Variants in EYA2 observed in about 807,000 individuals in gnomAD.
EYA2 encodes protein phosphatase EYA2.
A neutral mutation model predicts 69.2 loss-of-function variants in EYA2; 31 were observed. The ratio of observed to expected loss-of-function variants is 0.45; its 90% CI spans 0.34 to 0.60. The LOEUF (loss-of-function observed/expected upper bound fraction) is 0.60, where lower values mean the gene tolerates loss of function less well. EYA2 is among the 20% of genes least tolerant of loss of function. The pLI, the probability that EYA2 is intolerant of heterozygous loss-of-function variation, is 0.02. For synonymous variants in EYA2, 257 were observed against 279.4 expected, an observed-to-expected ratio of 0.92 and a Z score of 0.80; for missense variants, 622 against 701.2, an observed-to-expected ratio of 0.89 and a Z score of 1.28.
intron 9 of EYA2, among the ~76,000 whole-genome samples, chr20:47,129,946 C>G (rs11086194): frequency 0.022 from 3,312 of 152,186 alleles, 113 homozygotes; most frequent in East Asian, 0.088. Flanking sequence ...GTATAAGGAC[C>G]AGGTGAAGTG....
rs116427381 is a variant in EYA2 at position 46,940,694 on chromosome 20, C to T, written c.-11+45707C>T. Among the ~76,000 whole-genome samples, 989 of 152,280 alleles carry T rather than the reference C, an allele frequency of 6.5e-3. 7 individuals carry two copies. The highest frequency in any genetic ancestry group is 0.023 in the African/African-American group (948 of 41,566). Reference sequence around the variant, plus strand: ...TGAGAGTGGCCAGGACCAAGCACAGCGCTCCGGGAGGGAAGGTGACAGGCC... The same window carrying T: ...TGAGAGTGGCCAGGACCAAGCACAGTGCTCCGGGAGGGAAGGTGACAGGCC... On this transcript the variant is annotated intron_variant, in intron 1 of 15. Coordinates refer to ENST00000327619, the MANE Select transcript of EYA2 (RefSeq NM_005244.5).
intron 8 of EYA2, among the ~76,000 whole-genome samples, chr20:47,093,764 A>G (rs981091236): frequency 1.3e-5 from 2 of 152,240 alleles, no homozygotes; most frequent in Admixed American, 1.3e-4. Flanking sequence ...TAAAGACAGT[A>G]GTGACTGCAA....
At chr20:47,147,430 C>A (rs1431166881) in intron 10 of EYA2, among the ~76,000 whole-genome samples, 2 of 152,088 alleles carry the variant, frequency 1.3e-5, no homozygotes, top group Non-Finnish European at 2.9e-5. Context: ...AAGAGTGTTC[C>A]AGATAGAAGC....
intron 12 of EYA2, among the ~76,000 whole-genome samples, chr20:47,173,489 G>A (rs1199797002): frequency 8.3e-6 from 1 of 120,278 alleles, no homozygotes; most frequent in Middle Eastern, 4.4e-3. Flanking sequence ...CCCCAGCCTG[G>A]GCAACAAAGT....
chr20:46,957,578 C>CACACACACACACACAA (rs576647103), intron 1 of EYA2, among the ~76,000 whole-genome samples: 3 of 66,592 alleles, frequency 4.5e-5, no homozygotes, highest in Non-Finnish European at 7.4e-5. Flanking sequence ...CACACACACA[C>CACACACACACACACAA]GAAGACAATG....
intron 9 of EYA2, among the ~76,000 whole-genome samples, chr20:47,137,613 T>C (rs2033505629): frequency 6.6e-6 from 1 of 152,146 alleles, no homozygotes; most frequent in Non-Finnish European, 1.5e-5. Flanking sequence ...GACACCAGGA[T>C]GGAATATTTA....
chr20:46,922,811 T>G (rs1158288160), intron 1 of EYA2, among the ~76,000 whole-genome samples: 2 of 152,142 alleles, frequency 1.3e-5, no homozygotes, highest in Non-Finnish European at 2.9e-5. Context: ...TCACGATGGC[T>G]TATAAATTTT....
chr20:46,899,698 T>A (rs1412813199), intron 1 of EYA2, among the ~76,000 whole-genome samples: 3 of 152,218 alleles, frequency 2.0e-5, no homozygotes. Flanking sequence ...GAATGATTTA[T>A]CTTTGCCTCT....
chr20:47,095,021 A>T (rs959548195), intron 8 of EYA2, among the ~76,000 whole-genome samples: 45 of 151,818 alleles, frequency 3.0e-4, no homozygotes, highest in African/African-American at 9.0e-4. Context: ...CTCAAAAAAA[A>T]TTTTTTTAAT....
At chr20:46,960,712 G>A (rs1390534416) in intron 1 of EYA2, among the ~76,000 whole-genome samples, 1 of 152,168 alleles carries the variant, frequency 6.6e-6, no homozygotes, top group African/African-American at 2.4e-5. Flanking sequence ...TGCTTTCACA[G>A]TTCAATCGCA....
intron 10 of EYA2, among the ~76,000 whole-genome samples, chr20:47,159,149 A>G (rs945771839): frequency 6.6e-6 from 1 of 152,032 alleles, no homozygotes; most frequent in Non-Finnish European, 1.5e-5. Flanking sequence ...CAAAGAGTAC[A>G]ATATAGATGA....
chr20:47,091,722 GC>G, intron 8 of EYA2, among the ~76,000 whole-genome samples: 1 of 152,216 alleles, frequency 6.6e-6, no homozygotes, highest in Middle Eastern at 3.4e-3. Context: ...TCCAGCCTGG[GC>G]GACAAATTGA....
At chr20:47,136,288 C>T (rs921994854) in intron 9 of EYA2, among the ~76,000 whole-genome samples, 11 of 147,934 alleles carry the variant, frequency 7.4e-5, no homozygotes, top group Admixed American at 5.9e-4. Flanking sequence ...TTGGCATTCA[C>T]GTTTTGAAAC....
chr20:46,956,124 T>A (rs1021625378), intron 1 of EYA2, among the ~76,000 whole-genome samples: 1 of 152,190 alleles, frequency 6.6e-6, no homozygotes, highest in Non-Finnish European at 1.5e-5. Flanking sequence ...TCAGGTTTGG[T>A]GTTTAGTTTG....
chr20:47,036,110 C>T (rs1023985081), intron 5 of EYA2, among the ~76,000 whole-genome samples: 1 of 152,210 alleles, frequency 6.6e-6, no homozygotes, highest in Non-Finnish European at 1.5e-5. Flanking sequence ...GTCACCACTT[C>T]AGTGTTTGCA....
chr20:47,110,522 G>A (rs1015713212), intron 9 of EYA2, among the ~76,000 whole-genome samples: 14 of 152,116 alleles, frequency 9.2e-5, no homozygotes, highest in East Asian at 1.9e-4. Flanking sequence ...ATGTCCGGCC[G>A]CTCCACTGCT....
chr20:47,003,131 G>C (rs1982481760), intron 3 of EYA2, among the ~76,000 whole-genome samples: 1 of 152,198 alleles, frequency 6.6e-6, no homozygotes, highest in Non-Finnish European at 1.5e-5. Flanking sequence ...GTGGTGTCTG[G>C]GGGAGGGTGG....
intron 5 of EYA2, among the ~76,000 whole-genome samples, chr20:47,039,989 C>T (rs1025096314): frequency 1.3e-4 from 19 of 151,830 alleles, no homozygotes; most frequent in Admixed American, 7.9e-4. Flanking sequence ...TACAGGCGCC[C>T]GCCACCACAC....
At chr20:47,187,373 A>T (rs192413520) in intron 15 of EYA2, among the ~76,000 whole-genome samples, 1 of 152,072 alleles carries the variant, frequency 6.6e-6, no homozygotes, top group Non-Finnish European at 1.5e-5. Flanking sequence ...AAGAAAAAAA[A>T]AACTCCACAT....
Sources: allele counts gnomAD v4.1 joint callset (sites outside exome capture counted in the v4.1 genomes callset), GRCh38; gene constraint gnomAD v4.1.1; transcripts MANE v1.5; gene names NCBI Gene and HGNC (gene_info 2026-07-23, HGNC 2026-07-21).